The following PES1 variants were observed in gnomAD, a reference collection of about 807,000 sequenced individuals.
PES1 encodes the protein pescadillo homolog.
In PES1, 31 loss-of-function variants were observed where a neutral mutation model predicts 77.1. The ratio of observed to expected loss-of-function variants is 0.40; its 90% confidence interval spans 0.30 to 0.54. PES1 has a LOEUF of 0.54. Among genes scored for constraint, PES1 ranks in the 20% least tolerant of loss-of-function variants. The pLI is 0.45. For missense variants in PES1, 658 were observed against 771.7 expected (o/e 0.85, Z 1.75); for synonymous variants, 282 against 303.0 (o/e 0.93, Z 0.72).
chr22:30,592,137 TGAC>T, upstream of PES1: 1 of 1,207,086 alleles, frequency 8.3e-7, no homozygotes, highest in Non-Finnish European at 1.0e-6. Flanking sequence ...ATCACCCTGA[TGAC>T]GATTCATTGA....
intron 2 of PES1, among the ~76,000 whole-genome samples, chr22:30,597,868 G>A (rs1172945082): frequency 1.4e-5 from 2 of 147,132 alleles, no homozygotes; most frequent in African/African-American, 5.1e-5. Context: ...TTTTTTCCAC[G>A]CAGTTGAAGT....
At chr22:30,589,133 G>C in intron 2 of PES1, 58 bp downstream of exon 2, 1 of 1,288,566 alleles carries the variant, frequency 7.8e-7, no homozygotes, top group Non-Finnish European at 1.1e-6. Flanking sequence ...CAGGGATGCA[G>C]CTGAGTTTTC....
chr22:30,593,278 G>A (rs1441600044), upstream of PES1, among the ~76,000 whole-genome samples: 1 of 152,112 alleles, frequency 6.6e-6, no homozygotes, highest in Non-Finnish European at 1.5e-5. Flanking sequence ...CCTGAGATCA[G>A]GAGTTTGAGA....
At chr22:30,604,962 C>G (rs1315657423) in intron 2 of PES1, among the ~76,000 whole-genome samples, 1 of 152,148 alleles carries the variant, frequency 6.6e-6, no homozygotes, top group African/African-American at 2.4e-5. Flanking sequence ...TGAAATAGCA[C>G]TACCCCTGAC....
At chr22:30,587,874 TTCCC>T in intron 3 of PES1, 143 bp downstream of exon 3, 1 of 774,214 alleles carries the variant, frequency 1.3e-6, no homozygotes, top group Non-Finnish European at 2.1e-6. Flanking sequence ...AACCGACCTC[TTCCC>T]TCCAAGTACT....
At chr22:30,594,668 TAA>T (rs34230525), upstream of PES1, among the ~76,000 whole-genome samples, 63 of 138,732 alleles carry the variant, frequency 4.5e-4, 4 homozygotes, top group Admixed American at 1.8e-3. Flanking sequence ...TGCCCCGCCT[TAA>T]AAAAAAAAAA....
chr22:30,581,180 C>T, intron 8 of PES1, 79 bp from the exon 9 acceptor site: 1 of 1,370,882 alleles, frequency 7.3e-7, no homozygotes, highest in African/African-American at 1.4e-5. Flanking sequence ...GCAGCAGTGA[C>T]AGTCCTGGGC....
chr22:30,596,848 G>T (rs563168846), upstream of PES1, among the ~76,000 whole-genome samples: 1 of 152,348 alleles, frequency 6.6e-6, no homozygotes, highest in East Asian at 1.9e-4. Context: ...TCAGCCTGCG[G>T]GGAGGTGTGG....
chr22:30,603,530 T>TG (rs912226228), intron 2 of PES1, among the ~76,000 whole-genome samples: 3 of 151,786 alleles, frequency 2.0e-5, no homozygotes. Flanking sequence ...CACAGGCACA[T>TG]GCCACCATGC....
intron 3 of PES1, among the ~76,000 whole-genome samples, chr22:30,587,661 G>A (rs369215919): frequency 3.9e-5 from 6 of 152,324 alleles, no homozygotes; most frequent in African/African-American, 1.4e-4. Context: ...ACGTTTACAT[G>A]GGAGGATGGC....
At chr22:30,597,842 GGTAACTC>G in intron 2 of PES1, among the ~76,000 whole-genome samples, 1 of 151,444 alleles carries the variant, frequency 6.6e-6, no homozygotes, top group East Asian at 1.9e-4. Context: ...ACTCAGCTGT[GGTAACTC>G]GCTCGGTTTT....
At chr22:30,602,855 A>C (rs558685304) in intron 2 of PES1, among the ~76,000 whole-genome samples, 1 of 152,146 alleles carries the variant, frequency 6.6e-6, no homozygotes, top group Non-Finnish European at 1.5e-5. Context: ...CATTTGATGA[A>C]ATGTCTTACT....
rs774065819 is a variant in PES1 at position 30,584,642 on chromosome 22, C to T, written c.444G>A (p.Pro148=). The change falls in exon 5 of 15, where the codon CCG becomes CCA. Residue 148 remains proline (P), a synonymous_variant. Coordinates refer to ENST00000354694, the MANE Select transcript of PES1 (RefSeq NM_014303.4). ...LSMCFLFSTF[P]RTGKCHVQTI... is the part of the protein sequence containing the mutation. ...TCTGCACGTGGCACTTGCCAGTCCG[C>T]GGGAAGGTGGAAAACAGGAAGCACA... 36 of 1,613,796 alleles carry T rather than the reference C, an allele frequency of 2.2e-5. No individual in the cohort carries two copies. In the Middle Eastern group the frequency reaches 1.2e-3, roughly 52 times the overall value.
chr22:30,584,317 T>C, intron 6 of PES1, 48 bp downstream of exon 6: 1 of 1,377,348 alleles, frequency 7.3e-7, no homozygotes, highest in Non-Finnish European at 1.0e-6. Flanking sequence ...CATCCATATC[T>C]GTCTAGGAGG....
chr22:30,602,726 C>T (rs1166664462), intron 2 of PES1, among the ~76,000 whole-genome samples: 66 of 152,156 alleles, frequency 4.3e-4, no homozygotes, highest in Non-Finnish European at 2.5e-4. Flanking sequence ...GGCATCACCT[C>T]TTCTTGAAGT....
chr22:30,587,235 G>T, intron 4 of PES1, 51 bp downstream of exon 4: 1 of 1,259,028 alleles, frequency 7.9e-7, no homozygotes, highest in South Asian at 1.2e-5. Context: ...CTAGGGCAGA[G>T]ACCAGCAGTA....
chr22:30,577,196 C>A, intron 14 of PES1, 67 bp from the exon 15 acceptor site: 2 of 1,304,618 alleles, frequency 1.5e-6, no homozygotes, highest in East Asian at 2.3e-5. Flanking sequence ...GCACAGAACT[C>A]AAAGCTATAT....
Position 30,580,275 on chromosome 22 carries a change from C to T in PES1, c.1044-97G>A, listed in dbSNP as rs2086962893. On this transcript the variant is annotated intron_variant, in intron 10 of 14. Transcript: ENST00000354694. ...ACCTGCTGGCCACCCAGCCCATAAA[C>T]TCACCCTCTTAGGACACAATTACCC... The T allele has an allele frequency of 2.1e-5, 31 of 1,478,066 alleles. No homozygotes were observed. The South Asian group carries it at 2.8e-4, about 13-fold the overall frequency. 91.6% of individuals were successfully genotyped at this position (1,478,066 alleles called of 1,614,324 possible). A position where few individuals can be genotyped will look rare whatever the true frequency, so the allele number is the denominator to read the frequency against.
chr22:30,604,517 C>T (rs1439675030), intron 2 of PES1, among the ~76,000 whole-genome samples: 1 of 151,976 alleles, frequency 6.6e-6, no homozygotes. Flanking sequence ...CCTGTGATGT[C>T]AGCTACTCAA....
Sources: allele counts gnomAD v4.1 joint callset (sites outside exome capture counted in the v4.1 genomes callset), GRCh38; gene constraint gnomAD v4.1.1; transcripts MANE v1.5; gene names NCBI Gene and HGNC (gene_info 2026-07-23, HGNC 2026-07-21).